SLC23A2: variants seen among roughly 807,000 people sequenced by gnomAD.
The protein encoded by SLC23A2 is Na(+)/L-ascorbic acid transporter 2.
SLC23A2 carries 36 observed loss-of-function variants against 73.3 expected under a neutral mutation model. That is an observed-to-expected ratio of 0.49 (90% CI 0.38 to 0.65). The LOEUF (loss-of-function observed/expected upper bound fraction) is 0.65. Ranked by LOEUF, SLC23A2 falls within the 30% of genes least tolerant of loss-of-function variation. The pLI is 0.00. For synonymous variants in SLC23A2, 343 were observed against 327.3 expected, an observed-to-expected ratio of 1.05 and a Z score of -0.52; for missense variants, 507 against 841.6, an observed-to-expected ratio of 0.60 and a Z score of 4.92.
chr20:4,931,770 A>G (rs1266631418), intron 3 of SLC23A2, among the ~76,000 whole-genome samples: 1 of 152,142 alleles, frequency 6.6e-6, no homozygotes, highest in African/African-American at 2.4e-5. Context: ...CCTTGTCTCA[A>G]AAAAAAGAAA....
intron 6 of SLC23A2, among the ~76,000 whole-genome samples, chr20:4,887,645 C>T (rs6052956): frequency 0.37 from 56,067 of 152,060 alleles, 11,415 homozygotes; most frequent in Non-Finnish European, 0.47. Flanking sequence ...GTCCCGAGAG[C>T]GCTGCTGTAA....
At chr20:4,915,536 G>A (rs1461857260) in intron 3 of SLC23A2, among the ~76,000 whole-genome samples, 1 of 152,164 alleles carries the variant, frequency 6.6e-6, no homozygotes, top group African/African-American at 2.4e-5. Context: ...GATTGAGGAG[G>A]TCCAGAGAGA....
intron 1 of SLC23A2, among the ~76,000 whole-genome samples, chr20:4,987,800 CA>C (rs944850357): frequency 6.0e-5 from 9 of 150,438 alleles, no homozygotes; most frequent in Non-Finnish European, 1.0e-4. Flanking sequence ...GTGAGCCGAT[CA>C]CGCCACTGTG....
intron 15 of SLC23A2, among the ~76,000 whole-genome samples, chr20:4,859,687 C>G (rs937326708): frequency 6.6e-6 from 1 of 151,320 alleles, no homozygotes; most frequent in Non-Finnish European, 1.5e-5. Flanking sequence ...GGGGTGTAGT[C>G]GGTGGATAAA....
Position 4,883,141 on chromosome 20 carries a change from A to G in SLC23A2, c.824+501T>C, listed in dbSNP as rs1481371976. Among the ~76,000 whole-genome samples, 1 of 152,166 alleles carries G rather than the reference A, an allele frequency of 6.6e-6. No homozygotes were observed. Among genetic ancestry groups the G allele is most frequent in the South Asian group, 2.1e-4 (1 of 4,822 alleles). On this transcript the variant is annotated intron_variant, in intron 9 of 16. Coordinates refer to ENST00000338244, the MANE Select transcript of SLC23A2 (RefSeq NM_005116.6). The surrounding 1 kb of genome is among the most constrained non-coding windows in gnomAD (Gnocchi z 4.5). ...GACTAGCAGGACCCTGGCAGAAACT[A>G]TGTCCCTCCCCCAACCACCCACCCG...
chr20:4,897,988 TAAGG>T (rs1931608608), intron 6 of SLC23A2, among the ~76,000 whole-genome samples: 3 of 152,302 alleles, frequency 2.0e-5, no homozygotes, highest in Non-Finnish European at 2.9e-5. Flanking sequence ...ATGGGCAAGG[TAAGG>T]ATCCTGAGTG....
intron 1 of SLC23A2, among the ~76,000 whole-genome samples, chr20:4,993,851 G>A (rs1192484692): frequency 6.6e-6 from 1 of 152,132 alleles, no homozygotes; most frequent in Non-Finnish European, 1.5e-5. Flanking sequence ...GGAGGCTTGA[G>A]CTCAAGAGTT....
intron 1 of SLC23A2, among the ~76,000 whole-genome samples, chr20:5,000,981 C>CG (rs2088111213): frequency 6.6e-6 from 1 of 152,150 alleles, no homozygotes; most frequent in South Asian, 2.1e-4. Flanking sequence ...TGCGCACCAC[C>CG]GGGGGAGGGG....
intron 6 of SLC23A2, among the ~76,000 whole-genome samples, chr20:4,892,998 G>A (rs1600106071): frequency 6.6e-6 from 1 of 152,066 alleles, no homozygotes; most frequent in East Asian, 1.9e-4. Context: ...ATGGTCTCCT[G>A]TGATACACAA....
At chr20:4,864,193 G>A (rs1231851958) in intron 13 of SLC23A2, among the ~76,000 whole-genome samples, 1 of 152,240 alleles carries the variant, frequency 6.6e-6, no homozygotes, top group Non-Finnish European at 1.5e-5. Context: ...TGACCCCAGT[G>A]AGGAGAAGAG....
intron 3 of SLC23A2, among the ~76,000 whole-genome samples, chr20:4,931,358 G>A (rs1932788803): frequency 6.6e-6 from 1 of 151,964 alleles, no homozygotes; most frequent in Non-Finnish European, 1.5e-5. Flanking sequence ...AAATAATACT[G>A]ACACCTCTGT....
At chr20:5,003,515 C>CT (rs113174756), upstream of SLC23A2, among the ~76,000 whole-genome samples, 189 of 144,134 alleles carry the variant, frequency 1.3e-3, 1 homozygote, top group Middle Eastern at 7.2e-3. Flanking sequence ...TCCAGCCAAC[C>CT]TTTTTTTTTT....
chr20:4,880,782 G>C (rs1930851699), intron 9 of SLC23A2, among the ~76,000 whole-genome samples: 1 of 151,934 alleles, frequency 6.6e-6, no homozygotes, highest in South Asian at 2.1e-4. Flanking sequence ...CAGGCCAAGA[G>C]ACGCAAGCAG....
chr20:4,883,548 C>A lies in SLC23A2; in HGVS notation c.824+94G>T. ...ATAAAGTTGAAACTGTCAGACCATT[C>A]TTATTATTGAAAAACATTATCTCCT... On this transcript the variant is annotated intron_variant, in intron 9 of 16. Transcript: ENST00000338244. The surrounding 1 kb of genome is among the most constrained non-coding windows in gnomAD (Gnocchi z 4.5). 2 of 922,558 alleles carry A rather than the reference C, an allele frequency of 2.2e-6. No homozygotes were observed. The highest frequency in any genetic ancestry group is 3.3e-6 in the Non-Finnish European group (2 of 614,708). 57.1% of individuals were successfully genotyped at this position (922,558 alleles called of 1,614,324 possible).
At chr20:4,980,405 G>A (rs1014055004) in intron 1 of SLC23A2, among the ~76,000 whole-genome samples, 3 of 151,802 alleles carry the variant, frequency 2.0e-5, no homozygotes, top group South Asian at 4.2e-4. Flanking sequence ...ACAAATAAAG[G>A]ACTATTTAGT....
At chr20:5,003,227 C>CA (rs558856610), upstream of SLC23A2, among the ~76,000 whole-genome samples, 29 of 151,890 alleles carry the variant, frequency 1.9e-4, no homozygotes, top group South Asian at 3.7e-3. Flanking sequence ...ACTAAAAATA[C>CA]AAAAAAATTA....
intron 9 of SLC23A2, among the ~76,000 whole-genome samples, chr20:4,875,909 C>A (rs1930636795): frequency 6.6e-6 from 1 of 152,236 alleles, no homozygotes; most frequent in Non-Finnish European, 1.5e-5. Context: ...CCATCGACAG[C>A]CGGTCAAGTG....
intron 4 of SLC23A2, 63 bp downstream of exon 4, chr20:4,912,817 G>A (rs1932201960): frequency 1.3e-5 from 14 of 1,046,212 alleles, no homozygotes; most frequent in African/African-American, 4.7e-5. Context: ...ATCCAGATCC[G>A]GGGCAGCACT....
chr20:4,883,792 A>G lies in SLC23A2; in HGVS notation c.674T>C (p.Ile225Thr). ...IQGAIIMSSL[I>T]EVVIGLLGLP... Reference sequence around the variant, plus strand: ...GCCGAGGAGGCCGATGACTACTTCTATCAGTGAGGACATGATGATGGCCCC... The same window carrying G: ...GCCGAGGAGGCCGATGACTACTTCTGTCAGTGAGGACATGATGATGGCCCC... The change falls in exon 9 of 17, where the codon ATA (isoleucine) becomes ACA (threonine). Residue 225 changes from isoleucine to threonine, a missense_variant. Physicochemically the swap from Ile to Thr is moderately conservative, Grantham distance 89 (BLOSUM62 -1). Around this residue, in one of 5 missense-constraint regions of SLC23A2, gnomAD observed 217 missense variants for 398.0 expected, o/e 0.55. Coordinates refer to ENST00000338244, the MANE Select transcript of SLC23A2 (RefSeq NM_005116.6). The surrounding 1 kb of genome is among the most constrained non-coding windows in gnomAD (Gnocchi z 4.5). 6 of 1,613,206 alleles carry G rather than the reference A, an allele frequency of 3.7e-6. No individual in the cohort carries two copies. Among genetic ancestry groups the G allele is most frequent in the Non-Finnish European group, 5.1e-6 (6 of 1,179,582 alleles).
Sources: allele counts gnomAD v4.1 joint callset (sites outside exome capture counted in the v4.1 genomes callset), GRCh38; gene constraint gnomAD v4.1.1; regional missense constraint gnomAD v4.1.1; non-coding constraint Gnocchi (gnomAD v3.1); transcripts MANE v1.5; gene names NCBI Gene and HGNC (gene_info 2026-07-23, HGNC 2026-07-21).